The following PCLO variants were observed in gnomAD, a reference collection of about 807,000 sequenced individuals.
The protein encoded by PCLO is protein piccolo.
Under a neutral mutation model 427.5 loss-of-function variants are expected in PCLO, and 82 were observed. That is an observed-to-expected ratio of 0.19 (90% CI 0.16 to 0.23). PCLO has a LOEUF of 0.23. Ranked by LOEUF, PCLO falls within the 10% of genes least tolerant of loss-of-function variation. The pLI, the probability that PCLO is intolerant of heterozygous loss-of-function variation, is 1.00. For synonymous variants in PCLO, 2,357 were observed against 2,155.4 expected, an observed-to-expected ratio of 1.09 and a Z score of -2.59; for missense variants, 6,239 against 6,115.9, an observed-to-expected ratio of 1.02 and a Z score of -0.67.
intron 3 of PCLO, among the ~76,000 whole-genome samples, chr7:83,022,261 C>T (rs1207705985): frequency 6.6e-6 from 1 of 152,146 alleles, no homozygotes; most frequent in African/African-American, 2.4e-5. Flanking sequence ...CTTAGACTTC[C>T]CAGCCTTCAA....
At chr7:82,783,615 C>T (rs1396158435) in intron 22 of PCLO, among the ~76,000 whole-genome samples, 2 of 151,790 alleles carry the variant, frequency 1.3e-5, no homozygotes, top group African/African-American at 2.4e-5. Flanking sequence ...GAGCGAGACT[C>T]GGTCTCAAAA....
intron 22 of PCLO, among the ~76,000 whole-genome samples, chr7:82,765,923 T>C (rs1454466118): frequency 6.6e-6 from 1 of 151,908 alleles, no homozygotes; most frequent in African/African-American, 2.4e-5. Context: ...TGTAGGAAAG[T>C]GGTAACCAGT....
At chr7:82,873,298 C>A (rs1434388290) in intron 10 of PCLO, among the ~76,000 whole-genome samples, 1 of 151,438 alleles carries the variant, frequency 6.6e-6, no homozygotes, top group Admixed American at 6.6e-5. Context: ...CACTCCATCC[C>A]CCATCCACAC....
intron 10 of PCLO, among the ~76,000 whole-genome samples, chr7:82,864,070 T>C (rs1306658953): frequency 2.6e-5 from 4 of 152,108 alleles, no homozygotes; most frequent in East Asian, 1.9e-4. Context: ...GGTCTCCTCA[T>C]TCCTCATCTA....
Position 82,916,066 on chromosome 7 carries a change from T to C in PCLO, c.11920A>G (p.Ile3974Val). The change falls in exon 7 of 25, where the codon ATA (isoleucine) becomes GTA (valine). Residue 3974 changes from isoleucine (I) to valine (V), a missense_variant. Physicochemically the swap from Ile to Val is conservative, Grantham distance 29. Transcript: ENST00000333891. ...CGAATCACTTCATAGTTTGAGGTTA[T>C]CTTGGGCTCCAAATATAATGTAGTT... ...RQTTLYLEPK[I>V]TSNYEVIRNQ... 6.2e-7 allele frequency: 1 copy of C among 1,613,404 alleles called. No homozygotes were observed. The highest frequency in any genetic ancestry group is 8.5e-7 in the Non-Finnish European group (1 of 1,179,754).
rs1234095248 is a variant in PCLO at position 83,162,500 on chromosome 7, G to C, written c.93C>G (p.Ser31Arg). The C allele has an allele frequency of 6.4e-6, 10 of 1,567,714 alleles. No homozygotes were observed. The East Asian group carries it at 1.9e-4, about 30-fold the overall frequency. Residue 31 changes from serine to arginine, a missense_variant, in exon 1 of 25, where the codon AGC becomes AGG. Physicochemically the swap from Ser to Arg is moderately radical, Grantham distance 110. Around this residue, in one of 5 missense-constraint regions of PCLO, gnomAD observed 4,677 missense variants for 4,468.4 expected, o/e 1.05. Coordinates refer to ENST00000333891, the MANE Select transcript of PCLO (RefSeq NM_033026.6). The part of the protein sequence containing the change: ...AAGGGASGAG[S>R]PSHTAIPAGM... ...CGGCCGGGATCGCGGTGTGAGAGGG[G>C]CTCCCCGCCCCGCTAGCTCCTCCTC...
chr7:83,026,455 C>G (rs1252673467), intron 3 of PCLO, among the ~76,000 whole-genome samples: 1 of 152,098 alleles, frequency 6.6e-6, no homozygotes, highest in East Asian at 1.9e-4. Flanking sequence ...ATTCATAAAG[C>G]AAGTCCTGAG....
chr7:82,987,035 A>C (rs1196940588), intron 3 of PCLO, among the ~76,000 whole-genome samples: 1 of 151,960 alleles, frequency 6.6e-6, no homozygotes, highest in Non-Finnish European at 1.5e-5. Context: ...AGCATATGCC[A>C]TTTCGTCAGA....
At chr7:83,116,887 G>C (rs779590650) in intron 3 of PCLO, among the ~76,000 whole-genome samples, 5 of 152,084 alleles carry the variant, frequency 3.3e-5, no homozygotes, top group Non-Finnish European at 7.4e-5. Context: ...GTATTTACAT[G>C]TCCATGTTTA....
chr7:82,794,450 A>ATTTTTTTTTTTTTT (rs141105612), intron 22 of PCLO, among the ~76,000 whole-genome samples: 15 of 62,070 alleles, frequency 2.4e-4, no homozygotes, highest in Non-Finnish European at 4.6e-4. Flanking sequence ...TAGTTCATAA[A>ATTTTTTTTTTTTTT]TTTTTTTTCT....
In PCLO at chr7:82,801,548, C is replaced by G. The variant is rs745347705; in HGVS notation, c.14977G>C (p.Gly4993Arg). The G allele has an allele frequency of 6.3e-7, 1 of 1,599,348 alleles. No individual in the cohort carries two copies. The highest frequency in any genetic ancestry group is 8.6e-7 in the Non-Finnish European group (1 of 1,166,900). ...GTGTCTGCTAGTCCTACTCCTACCCCTGGCTGTTTTACAGGCTCTTGTCCA... is the reference window on the plus strand; with the variant it reads ...GTGTCTGCTAGTCCTACTCCTACCCGTGGCTGTTTTACAGGCTCTTGTCCA... ...QNGQEPVKQP[G>R]VGVGLADTEA... The change falls in exon 22 of 25, where the codon GGG becomes CGG. Residue 4993 changes from glycine to arginine, a missense_variant. Physicochemically the swap from Gly to Arg is moderately radical, Grantham distance 125. Around this residue, in one of 5 missense-constraint regions of PCLO, gnomAD observed 877 missense variants for 925.5 expected, o/e 0.95. Transcript: ENST00000333891.
At chr7:83,069,941 T>C (rs1477043788) in intron 3 of PCLO, among the ~76,000 whole-genome samples, 1 of 152,124 alleles carries the variant, frequency 6.6e-6, no homozygotes, top group African/African-American at 2.4e-5. Flanking sequence ...AATTCTTTGA[T>C]ACTTCTTCCC....
At chr7:82,928,571 A>T (rs376158504) in intron 6 of PCLO, among the ~76,000 whole-genome samples, 1 of 152,034 alleles carries the variant, frequency 6.6e-6, no homozygotes, top group African/African-American at 2.4e-5. Flanking sequence ...TTTAGTAGAG[A>T]CAGGGTTTCA....
At chr7:82,772,358 T>C (rs926966603) in intron 22 of PCLO, among the ~76,000 whole-genome samples, 1 of 152,170 alleles carries the variant, frequency 6.6e-6, no homozygotes, top group Non-Finnish European at 1.5e-5. Context: ...ATTTCATTTT[T>C]ATTTATATGT....
rs1404036079 is a variant in PCLO at position 82,956,019 on chromosome 7, T to C, written c.4934A>G (p.Tyr1645Cys). The C allele has an allele frequency of 6.2e-7, 1 of 1,613,216 alleles. No individual in the cohort carries two copies. The highest frequency in any genetic ancestry group is 8.5e-7 in the Non-Finnish European group (1 of 1,179,880). ...ACTTTCCTGACTTTTAGTTTCTCTG[T>C]ATTTAAGTTCAGGACTTTCATCAAA... ...EAFDESPELK[Y>C]RETKSQESEE... Residue 1645 changes from tyrosine (Y) to cysteine (C), a missense_variant, in exon 5 of 25, where the codon TAC becomes TGC. Transcript: ENST00000333891.
At chr7:83,028,805 G>A (rs193981) in intron 3 of PCLO, among the ~76,000 whole-genome samples, 66,738 of 144,324 alleles carry the variant, frequency 0.46, 17,778 homozygotes, top group Middle Eastern at 0.68. Context: ...ATAACGCCGC[G>A]TATCTACAAC....
intron 22 of PCLO, among the ~76,000 whole-genome samples, chr7:82,773,678 C>CTCT (rs10654261): frequency 0.063 from 9,553 of 151,884 alleles, 704 homozygotes; most frequent in African/African-American, 0.18. Flanking sequence ...AAAGAGCAAA[C>CTCT]TCTAATTCCA....
intron 3 of PCLO, among the ~76,000 whole-genome samples, chr7:83,133,300 A>C (rs1791621125): frequency 6.6e-6 from 1 of 151,992 alleles, no homozygotes; most frequent in Admixed American, 6.5e-5. Context: ...AATTATTCTT[A>C]AGTATTTTTG....
intron 3 of PCLO, among the ~76,000 whole-genome samples, chr7:83,019,748 G>A (rs1197949128): frequency 6.6e-6 from 1 of 152,020 alleles, no homozygotes; most frequent in African/African-American, 2.4e-5. Flanking sequence ...TCTCTATGAA[G>A]CACTGTGTTG....
Sources: gnomAD v4.1 joint callset for allele counts (sites outside exome capture counted in the v4.1 genomes callset) on GRCh38, gnomAD v4.1.1 for gene constraint, gnomAD v4.1.1 regional missense constraint, MANE v1.5 for transcripts, NCBI Gene and HGNC (gene_info 2026-07-23, HGNC 2026-07-21) for gene names.